The following UBE2W variants were observed in gnomAD, a reference collection of about 807,000 sequenced individuals.
The protein encoded by UBE2W is ubiquitin-conjugating enzyme E2 W.
In UBE2W, 18 loss-of-function variants were observed where a neutral mutation model predicts 27.2. That is an observed-to-expected ratio of 0.66 (90% CI 0.46 to 0.98). The LOEUF (loss-of-function observed/expected upper bound fraction) is 0.98, where lower values mean the gene tolerates loss of function less well. Among genes scored for constraint, UBE2W ranks in the 50% least tolerant of loss-of-function variants. UBE2W has a pLI of 0.00. For missense variants in UBE2W, 90 were observed against 180.2 expected, an observed-to-expected ratio of 0.50 and a Z score of 2.87; for synonymous variants, 53 against 57.2, an observed-to-expected ratio of 0.93 and a Z score of 0.33.
chr8:73,876,492 T>C (rs1374666177), intron 1 of UBE2W, among the ~76,000 whole-genome samples: 3 of 152,110 alleles, frequency 2.0e-5, no homozygotes, highest in Admixed American at 6.5e-5. Flanking sequence ...TCAATAAATA[T>C]AGGAAGCATC....
chr8:73,876,697 G>A (rs772079142), intron 1 of UBE2W, among the ~76,000 whole-genome samples: 4 of 152,132 alleles, frequency 2.6e-5, no homozygotes, highest in East Asian at 3.8e-4. Flanking sequence ...GGCCAGGCAC[G>A]GTGGCTCACA....
Position 73,786,830 on chromosome 8 carries a change from T to C in UBE2W, c.*7272A>G, listed in dbSNP as rs1029843386. ...AAAATGCAAGGAGAGGACTACTGAG[T>C]ATCATTGCTTGATTAAGTTGGATGG... is the stretch of plus-strand genomic sequence containing the variant. On this transcript the variant is annotated 3_prime_UTR_variant, in exon 6 of 6. Coordinates refer to ENST00000602593, the MANE Select transcript of UBE2W (RefSeq NM_018299.6). The C allele has an allele frequency of 2.0e-5, 20 of 985,420 alleles. No individual in the cohort carries two copies. The highest frequency in any genetic ancestry group is 2.4e-5 in the Non-Finnish European group (20 of 829,914). 61.0% of individuals were successfully genotyped at this position (985,420 alleles called of 1,614,324 possible).
At chr8:73,866,091 C>T (rs975397859) in intron 1 of UBE2W, among the ~76,000 whole-genome samples, 4 of 151,672 alleles carry the variant, frequency 2.6e-5, no homozygotes, top group Admixed American at 6.6e-5. Context: ...TCCTGGCCAA[C>T]ATGGTGAAAC....
At position 73,851,425 on chromosome 8, in the gene UBE2W, TTG is replaced by T. The variant is rs200478994; in HGVS notation, c.16-20955_16-20954del. 6.9e-3 allele frequency among the ~76,000 whole-genome samples: 1,043 copies of T among 152,226 alleles called. 11 individuals are homozygous for T. Among genetic ancestry groups the T allele is most frequent in the African/African-American group, 0.024 (1,010 of 41,524 alleles). On this transcript the variant is annotated intron_variant, in intron 1 of 5. Coordinates refer to ENST00000602593, the MANE Select transcript of UBE2W (RefSeq NM_018299.6). ...ACAGAATTAGAGACTTTACAAGGGATTGTGTTTTCAATGGGTGTTACTACTCT... is the reference window on the plus strand; with the variant it reads ...ACAGAATTAGAGACTTTACAAGGGATTGTTTTCAATGGGTGTTACTACTCT...
At position 73,825,131 on chromosome 8, in the gene UBE2W, A is replaced by T. The variant is rs753518605; in HGVS notation, c.210+16T>A. On this transcript the variant is annotated intron_variant, in intron 3 of 5. Transcript: ENST00000602593. ...TCTAAAAATACAAAAAAAAAAATTT[A>T]AAGCAAGGCAATTACCTGAGGAGAG... 1.3e-5 allele frequency: 20 copies of T among 1,505,954 alleles called. No homozygotes were observed. Among genetic ancestry groups the T allele is most frequent in the Non-Finnish European group, 1.5e-5 (17 of 1,125,620 alleles). The allele number at this position is 1,505,954 out of a possible 1,614,324, so 93.3% of individuals were successfully genotyped here.
chr8:73,857,071 C>T (rs1315175996), intron 1 of UBE2W, among the ~76,000 whole-genome samples: 1 of 152,132 alleles, frequency 6.6e-6, no homozygotes, highest in Non-Finnish European at 1.5e-5. Flanking sequence ...AGCCCAAATA[C>T]ACACATAATA....
chr8:73,823,676 T>C (rs1282502658), intron 3 of UBE2W, among the ~76,000 whole-genome samples: 1 of 152,220 alleles, frequency 6.6e-6, no homozygotes, highest in Non-Finnish European at 1.5e-5. Flanking sequence ...TGTAGACATC[T>C]AGAGGTCACA....
chr8:73,783,848 C>T (rs1227063537), downstream of UBE2W, among the ~76,000 whole-genome samples: 1 of 152,160 alleles, frequency 6.6e-6, no homozygotes, highest in Non-Finnish European at 1.5e-5. Context: ...CTGCAACCTC[C>T]GTCTCCTGGT....
At chr8:73,796,144 T>C (rs2130847769) in intron 5 of UBE2W, among the ~76,000 whole-genome samples, 1 of 151,832 alleles carries the variant, frequency 6.6e-6, no homozygotes, top group East Asian at 1.9e-4. Flanking sequence ...ATACTTGTTA[T>C]GGATATAAAA....
intron 1 of UBE2W, among the ~76,000 whole-genome samples, chr8:73,865,942 G>A (rs922708096): frequency 7.9e-5 from 12 of 151,970 alleles, no homozygotes; most frequent in South Asian, 4.2e-4. Flanking sequence ...AGTTGATAAC[G>A]CCTCTTTTAA....
chr8:73,804,879 C>G (rs189004337), intron 5 of UBE2W, among the ~76,000 whole-genome samples: 1 of 152,046 alleles, frequency 6.6e-6, no homozygotes, highest in African/African-American at 2.4e-5. Flanking sequence ...CAAGCCACCA[C>G]GCCCATCTAA....
chr8:73,824,011 T>C (rs1174811888), intron 3 of UBE2W, among the ~76,000 whole-genome samples: 1 of 152,222 alleles, frequency 6.6e-6, no homozygotes, highest in Non-Finnish European at 1.5e-5. Context: ...AGGTATTTGG[T>C]TGTATTTTCC....
At chr8:73,784,804 G>A (rs1202721518), downstream of UBE2W, among the ~76,000 whole-genome samples, 1 of 152,088 alleles carries the variant, frequency 6.6e-6, no homozygotes, top group Non-Finnish European at 1.5e-5. Flanking sequence ...CAGACTCCTT[G>A]TTTTAGGCAT....
intron 1 of UBE2W, among the ~76,000 whole-genome samples, chr8:73,841,564 ACAG>A (rs1311490090): frequency 6.6e-5 from 10 of 152,228 alleles, no homozygotes; most frequent in Non-Finnish European, 1.3e-4. Flanking sequence ...CTTTCAGAGT[ACAG>A]TAGTGTCCAA....
intron 1 of UBE2W, among the ~76,000 whole-genome samples, chr8:73,846,294 G>A (rs1810794854): frequency 6.6e-6 from 1 of 152,156 alleles, no homozygotes; most frequent in South Asian, 2.1e-4. Context: ...TACTCAGGAG[G>A]CTGAGGCAGG....
Position 73,787,139 on chromosome 8 carries a change from C to T in UBE2W, c.*6963G>A. 1.0e-6 allele frequency: 1 copy of T among 985,404 alleles called. No individual in the cohort carries two copies. Among genetic ancestry groups the T allele is most frequent in the Non-Finnish European group, 1.2e-6 (1 of 829,924 alleles). 61.0% of individuals were successfully genotyped at this position (985,404 alleles called of 1,614,324 possible). ...ATGTATTTTGCATTATGCAGGCAAA[C>T]ATTAAAAATAAATCTTACAGGCAAC... On this transcript the variant is annotated 3_prime_UTR_variant, in exon 6 of 6. Transcript: ENST00000602593.
At chr8:73,794,189 T>C in intron 5 of UBE2W, 74 bp from the exon 6 acceptor site, 8 of 1,542,072 alleles carry the variant, frequency 5.2e-6, no homozygotes, top group Non-Finnish European at 7.1e-6. Context: ...CTGTTTAATG[T>C]AGAAATAATT....
intron 3 of UBE2W, among the ~76,000 whole-genome samples, chr8:73,822,631 A>AAAAAAAAAAAT (rs1563593366): frequency 1.4e-5 from 2 of 141,692 alleles, no homozygotes; most frequent in Admixed American, 7.1e-5. Context: ...AAAAAAAAAA[A>AAAAAAAAAAAT]AAATTAGCTG....
chr8:73,817,518 GT>G (rs1398647003), intron 3 of UBE2W, among the ~76,000 whole-genome samples: 1 of 151,572 alleles, frequency 6.6e-6, no homozygotes, highest in Non-Finnish European at 1.5e-5. Context: ...GACTTCAGAG[GT>G]TTTTTTTGTT....
Sources: gnomAD v4.1 joint callset for allele counts (sites outside exome capture counted in the v4.1 genomes callset) on GRCh38, gnomAD v4.1.1 for gene constraint, MANE v1.5 for transcripts, NCBI Gene and HGNC (gene_info 2026-07-23, HGNC 2026-07-21) for gene names.